CACNB2: variants seen among roughly 807,000 people sequenced by gnomAD.
CACNB2 encodes calcium voltage-gated channel auxiliary subunit beta 2.
In CACNB2, 42 loss-of-function variants were observed where a neutral mutation model predicts 73.3. The observed-to-expected ratio is 0.57, with a 90% CI of 0.45 to 0.74. The LOEUF (loss-of-function observed/expected upper bound fraction) is 0.74. Among genes scored for constraint, CACNB2 ranks in the 30% least tolerant of loss-of-function variants. The pLI, the probability that CACNB2 is intolerant of heterozygous loss-of-function variation, is 0.00. For synonymous variants in CACNB2, 348 were observed against 310.3 expected, an observed-to-expected ratio of 1.12 and a Z score of -1.28; for missense variants, 940 against 853.0, an observed-to-expected ratio of 1.10 and a Z score of -1.27.
intron 2 of CACNB2, chr10:18,262,003 C>T (rs1446794130): frequency 1.9e-6 from 1 of 518,872 alleles, no homozygotes; most frequent in Non-Finnish European, 3.8e-6. Context: ...TCCGAGCAAG[C>T]GCTGGCTTGA....
chr10:18,177,955 A>G (rs1450613191), intron 2 of CACNB2, among the ~76,000 whole-genome samples: 1 of 152,180 alleles, frequency 6.6e-6, no homozygotes, highest in Non-Finnish European at 1.5e-5. Context: ...TAGGTATTCA[A>G]GAGGCATATC....
intron 2 of CACNB2, among the ~76,000 whole-genome samples, chr10:18,389,715 C>T (rs564080701): frequency 3.9e-4 from 59 of 152,148 alleles, no homozygotes; most frequent in Non-Finnish European, 8.2e-4. Context: ...AAATTGTCTT[C>T]CCAAAGGGTT....
At chr10:18,408,060 T>A (rs1164227967) in intron 3 of CACNB2, among the ~76,000 whole-genome samples, 1 of 152,074 alleles carries the variant, frequency 6.6e-6, no homozygotes, top group African/African-American at 2.4e-5. Context: ...TTCATGAAGA[T>A]TATGAAGTGG....
In CACNB2 at chr10:18,375,301, C is replaced by A; in HGVS notation, c.214-26623C>A. 1.3e-5 allele frequency among the ~76,000 whole-genome samples: 2 copies of A among 152,098 alleles called. 1 individual carries two copies. Among genetic ancestry groups the A allele is most frequent in the Admixed American group, 1.3e-4 (2 of 15,258 alleles). On this transcript the variant is annotated intron_variant, in intron 2 of 13. Coordinates refer to ENST00000324631, the MANE Select transcript of CACNB2 (RefSeq NM_201596.3). The stretch of plus-strand genomic sequence containing the variant: ...TGACTTCTCCCTCCCAATCCTGCAC[C>A]AATGCCATAGGGAAAAAGATACATG...
chr10:18,227,260 G>A (rs2036029157), intron 2 of CACNB2, among the ~76,000 whole-genome samples: 1 of 152,134 alleles, frequency 6.6e-6, no homozygotes, highest in African/African-American at 2.4e-5. Flanking sequence ...AGGAGGAGCA[G>A]AAGCACAGGC....
rs68179779 is a variant in CACNB2, at chr10:18,491,819, T to TAAAAAAAAAAAAAAAAAAAAA, written c.334-6528_334-6508dup. Among the ~76,000 whole-genome samples the TAAAAAAAAAAAAAAAAAAAAA allele has an allele frequency of 3.0e-5, 2 of 65,594 alleles. 1 individual carries two copies. Among genetic ancestry groups the TAAAAAAAAAAAAAAAAAAAAA allele is most frequent in the African/African-American group, 1.0e-4 (2 of 20,032 alleles). 43.0% of individuals were successfully genotyped at this position (65,594 alleles called of 152,430 possible). ...TATTCCCTTGGAACTTCAAGTTGGT[T>TAAAAAAAAAAAAAAAAAAAAA]AAAAAAAAAAAAAAAAAAAAAAAAA... On this transcript the variant is annotated intron_variant, in intron 3 of 13. Coordinates refer to ENST00000324631, the MANE Select transcript of CACNB2 (RefSeq NM_201596.3).
At chr10:18,328,353 A>G (rs2131997393) in intron 2 of CACNB2, among the ~76,000 whole-genome samples, 1 of 152,276 alleles carries the variant, frequency 6.6e-6, no homozygotes, top group African/African-American at 2.4e-5. Context: ...TATAACTTAA[A>G]GCTCCCTGTG....
At chr10:18,210,758 A>G (rs1366606579) in intron 2 of CACNB2, among the ~76,000 whole-genome samples, 3 of 152,128 alleles carry the variant, frequency 2.0e-5, no homozygotes, top group African/African-American at 7.2e-5. Context: ...TTTCCTCTCA[A>G]CCTGTCTCAT....
rs60046163 is a variant in CACNB2 at position 18,431,772 on chromosome 10, C to CT, written c.333+29739dup. Among the ~76,000 whole-genome samples, 110 of 151,174 alleles carry CT rather than the reference C, an allele frequency of 7.3e-4. 3 individuals are homozygous for CT. Among genetic ancestry groups the CT allele is most frequent in the African/African-American group, 2.4e-3 (99 of 41,220 alleles). On this transcript the variant is annotated intron_variant, in intron 3 of 13. Transcript: ENST00000324631. ...ACCTCATTGAATCTCATTTCTTTTT[C>CT]TTTTTTTTTTGAGATGGAGTCTCGC...
At chr10:18,176,028 A>G (rs2033569601) in intron 2 of CACNB2, among the ~76,000 whole-genome samples, 2 of 152,244 alleles carry the variant, frequency 1.3e-5, no homozygotes, top group Admixed American at 6.5e-5. Context: ...AAAGACACCT[A>G]CAGCATGTTG....
chr10:18,302,358 A>G (rs1463803813), intron 2 of CACNB2, among the ~76,000 whole-genome samples: 1 of 152,220 alleles, frequency 6.6e-6, no homozygotes, highest in African/African-American at 2.4e-5. Context: ...TAGCGCCTGT[A>G]TTTAAATGTG....
At chr10:18,360,573 T>G (rs901564693) in intron 2 of CACNB2, among the ~76,000 whole-genome samples, 4 of 152,216 alleles carry the variant, frequency 2.6e-5, no homozygotes, top group African/African-American at 9.7e-5. Flanking sequence ...ATAATTCACT[T>G]ATCACTCACA....
At chr10:18,227,872 CA>C (rs2036059035) in intron 2 of CACNB2, among the ~76,000 whole-genome samples, 1 of 152,108 alleles carries the variant, frequency 6.6e-6, no homozygotes, top group Admixed American at 6.5e-5. Context: ...CATCAGAAGT[CA>C]ACATGGTGAA....
At chr10:18,521,956 G>A (rs759547122) in intron 9 of CACNB2, among the ~76,000 whole-genome samples, 13 of 152,154 alleles carry the variant, frequency 8.5e-5, no homozygotes, top group Non-Finnish European at 1.3e-4. Flanking sequence ...CACAGCAGAC[G>A]GTGAGTGGCA....
chr10:18,254,174 A>G (rs2037191951), intron 2 of CACNB2, among the ~76,000 whole-genome samples: 1 of 152,208 alleles, frequency 6.6e-6, no homozygotes, highest in African/African-American at 2.4e-5. Flanking sequence ...CCTGTGTTAC[A>G]TTCTTTGAGC....
intron 2 of CACNB2, among the ~76,000 whole-genome samples, chr10:18,190,645 T>C (rs1207364444): frequency 6.6e-6 from 1 of 152,216 alleles, no homozygotes; most frequent in African/African-American, 2.4e-5. Context: ...TTGATGTTCT[T>C]CCAGACTTTT....
intron 3 of CACNB2, among the ~76,000 whole-genome samples, chr10:18,491,819 T>TAAAAAAAAAAAAAAAAAA (rs68179779): frequency 1.5e-5 from 1 of 65,594 alleles, no homozygotes; most frequent in Non-Finnish European, 3.1e-5. Context: ...TCAAGTTGGT[T>TAAAAAAAAAAAAAAAAAA]AAAAAAAAAA....
intron 2 of CACNB2, among the ~76,000 whole-genome samples, chr10:18,365,277 G>A (rs1167262110): frequency 6.6e-6 from 1 of 152,188 alleles, no homozygotes; most frequent in Non-Finnish European, 1.5e-5. Flanking sequence ...CTTTGAACGA[G>A]TTATTTACCC....
intron 3 of CACNB2, among the ~76,000 whole-genome samples, chr10:18,450,295 A>G (rs564060205): frequency 1.3e-5 from 2 of 152,348 alleles, no homozygotes; most frequent in South Asian, 2.1e-4. Flanking sequence ...ACAGGCATGC[A>G]TTAAGTAGGG....
Sources: allele counts gnomAD v4.1 joint callset (sites outside exome capture counted in the v4.1 genomes callset), GRCh38; gene constraint gnomAD v4.1.1; transcripts MANE v1.5; gene names NCBI Gene and HGNC (gene_info 2026-07-23, HGNC 2026-07-21).